Variants in RANBP2 observed in about 807,000 individuals in gnomAD.
The protein encoded by RANBP2 is RAN binding protein 2, also known as E3 SUMO-protein ligase RanBP2.
RANBP2 carries 57 observed loss-of-function variants against 303.6 expected under a neutral mutation model. The observed-to-expected ratio is 0.19, with a 90% CI of 0.15 to 0.23. The LOEUF is 0.23. RANBP2 is among the 10% of genes least tolerant of loss of function. The pLI, the probability that RANBP2 is intolerant of heterozygous loss-of-function variation, is 1.00. For synonymous variants in RANBP2, 1,167 were observed against 1,301.5 expected (o/e 0.90, Z 2.23); for missense variants, 3,138 against 3,780.8 (o/e 0.83, Z 4.46).
chr2:109,412,193 C>T, the RANBP2 span, among the ~76,000 whole-genome samples: 1 of 152,416 alleles, frequency 6.6e-6, no homozygotes, highest in African/African-American at 2.4e-5. Flanking sequence ...AGTGTGCACT[C>T]TCAGCCTAGC....
the RANBP2 span, among the ~76,000 whole-genome samples, chr2:108,925,538 C>T: frequency 6.6e-6 from 1 of 152,216 alleles, no homozygotes; most frequent in Non-Finnish European, 1.5e-5. Flanking sequence ...GGCTGGCCAC[C>T]CTCATCTGTG....
the RANBP2 span, among the ~76,000 whole-genome samples, chr2:109,173,825 A>G: frequency 6.6e-6 from 1 of 152,214 alleles, no homozygotes; most frequent in Non-Finnish European, 1.5e-5. Context: ...GGGCTGGAAC[A>G]CTGCCGTCGT....
the RANBP2 span, among the ~76,000 whole-genome samples, chr2:109,217,368 A>T: frequency 6.6e-6 from 1 of 152,196 alleles, no homozygotes; most frequent in Non-Finnish European, 1.5e-5. Flanking sequence ...ATCGTGAATG[A>T]GGCTACAGGT....
the RANBP2 span, among the ~76,000 whole-genome samples, chr2:109,466,072 CTTTTTT>C: frequency 1.2e-5 from 1 of 82,334 alleles, no homozygotes; most frequent in African/African-American, 4.4e-5. Flanking sequence ...ACCTGTACAT[CTTTTTT>C]TTTTTTTTTT....
the RANBP2 span, among the ~76,000 whole-genome samples, chr2:109,541,130 T>C: frequency 3.3e-5 from 5 of 152,216 alleles, no homozygotes; most frequent in African/African-American, 9.6e-5. Flanking sequence ...CACATCACCA[T>C]GTTTCATGGT....
At chr2:109,012,726 A>G in the RANBP2 span, among the ~76,000 whole-genome samples, 2 of 152,298 alleles carry the variant, frequency 1.3e-5, no homozygotes, top group Admixed American at 1.3e-4. Flanking sequence ...CATCCTGGCC[A>G]ACACGGTGAA....
At chr2:108,896,034 A>T in the RANBP2 span, 1 of 152,224 alleles carries the variant, frequency 6.6e-6, no homozygotes, top group Admixed American at 6.5e-5. Context: ...TGCTGCCCCT[A>T]AAAGGTCAAA....
chr2:108,740,614 A>G lies in RANBP2; in HGVS notation c.908A>G (p.His303Arg). The stretch of plus-strand genomic sequence containing the variant: ...TCTCTGCTTTTGAAGATGGGTCAGC[A>G]TAGTAGTAATGTTCAATGGCGAGCT... ...AGSLLLKMGQHSSNVQWRALS... is the reference protein window; with the variant it reads ...AGSLLLKMGQRSSNVQWRALS... Residue 303 changes from histidine to arginine, a missense_variant, in exon 7 of 29, where the codon CAT becomes CGT. His to Arg is a conservative substitution (Grantham distance 29, BLOSUM62 0). Coordinates refer to ENST00000283195, the MANE Select transcript of RANBP2 (RefSeq NM_006267.5). 6.3e-7 allele frequency: 1 copy of G among 1,597,566 alleles called. No homozygotes were observed. Among genetic ancestry groups the G allele is most frequent in the South Asian group, 1.1e-5 (1 of 90,992 alleles).
chr2:109,264,704 G>A, the RANBP2 span, among the ~76,000 whole-genome samples: 3 of 152,210 alleles, frequency 2.0e-5, no homozygotes, highest in African/African-American at 7.2e-5. Flanking sequence ...AGATGTTTCC[G>A]TAAGGGCTTT....
At chr2:109,492,498 G>A in the RANBP2 span, among the ~76,000 whole-genome samples, 15,724 of 152,194 alleles carry the variant, frequency 0.1, 1,227 homozygotes, top group Admixed American at 0.23. Flanking sequence ...CTCAGCAGTG[G>A]GCATGGATTC....
chr2:109,040,821 C>T, the RANBP2 span, among the ~76,000 whole-genome samples: 3 of 152,004 alleles, frequency 2.0e-5, no homozygotes, highest in Admixed American at 6.6e-5. Context: ...TTTGGGAGGC[C>T]GAGGCAGGTG....
At chr2:109,306,029 C>T in the RANBP2 span, among the ~76,000 whole-genome samples, 1 of 152,194 alleles carries the variant, frequency 6.6e-6, no homozygotes, top group Non-Finnish European at 1.5e-5. Flanking sequence ...AGGAGTGATT[C>T]GCTGCCTTCT....
chr2:108,762,053 A>T, intron 18 of RANBP2, 48 bp from the exon 19 acceptor site: 1 of 1,595,148 alleles, frequency 6.3e-7, no homozygotes, highest in East Asian at 2.2e-5. Context: ...TCTTAACTGT[A>T]GTATAGACTT....
chr2:109,366,130 T>G, the RANBP2 span, among the ~76,000 whole-genome samples: 1 of 152,226 alleles, frequency 6.6e-6, no homozygotes, highest in Non-Finnish European at 1.5e-5. Context: ...GAGTTATCCA[T>G]TCTTTAAATT....
chr2:109,136,704 A>C, the RANBP2 span, among the ~76,000 whole-genome samples: 1 of 152,230 alleles, frequency 6.6e-6, no homozygotes, highest in Non-Finnish European at 1.5e-5. Flanking sequence ...AAACGAAGAT[A>C]TGATGGTATT....
chr2:108,744,887 C>T (rs988761968), intron 7 of RANBP2, among the ~76,000 whole-genome samples: 2 of 152,178 alleles, frequency 1.3e-5, no homozygotes, highest in Non-Finnish European at 2.9e-5. Flanking sequence ...TTATGCATCT[C>T]CAAGTAAACA....
the RANBP2 span, among the ~76,000 whole-genome samples, chr2:109,055,996 G>A: frequency 5.3e-5 from 8 of 151,972 alleles, no homozygotes; most frequent in South Asian, 1.7e-3. Flanking sequence ...CTGATCTCGT[G>A]ATCCACCCGC....
At chr2:109,173,614 C>T in the RANBP2 span, among the ~76,000 whole-genome samples, 2 of 152,110 alleles carry the variant, frequency 1.3e-5, no homozygotes, top group African/African-American at 2.4e-5. Flanking sequence ...CAGTGGTTAC[C>T]GTCTGGCCCT....
the RANBP2 span, among the ~76,000 whole-genome samples, chr2:108,999,997 C>A: frequency 6.6e-6 from 1 of 152,208 alleles, no homozygotes; most frequent in Non-Finnish European, 1.5e-5. Context: ...CTCTCAAAGG[C>A]CTTCTCTAAG....
Sources: gnomAD v4.1 joint callset for allele counts (sites outside exome capture counted in the v4.1 genomes callset) on GRCh38, gnomAD v4.1.1 for gene constraint, MANE v1.5 for transcripts, NCBI Gene and HGNC (gene_info 2026-07-23, HGNC 2026-07-21) for gene names.